The following UPF2 variants were observed in gnomAD, a reference collection of about 807,000 sequenced individuals.
UPF2 encodes the protein regulator of nonsense transcripts 2.
Under a neutral mutation model 141.4 loss-of-function variants are expected in UPF2, and 17 were observed. That is an observed-to-expected ratio of 0.12 (90% CI 0.08 to 0.18). The LOEUF (loss-of-function observed/expected upper bound fraction) is 0.18, where lower values mean the gene tolerates loss of function less well. UPF2 is among the 10% of genes least tolerant of loss of function. The pLI, the probability that UPF2 is intolerant of heterozygous loss-of-function variation, is 1.00. For missense variants in UPF2, 1,152 were observed against 1,515.9 expected (o/e 0.76, Z 3.99); for synonymous variants, 540 against 498.0 (o/e 1.08, Z -1.12).
rs939196209 is a variant in UPF2, at chr10:11,959,894, T to A, written c.2185-538A>T. Among the ~76,000 whole-genome samples, 2 of 152,250 alleles carry A rather than the reference T, an allele frequency of 1.3e-5. No individual in the cohort carries two copies. On this transcript the variant is annotated intron_variant, in intron 11 of 21. Coordinates refer to ENST00000357604, the MANE Select transcript of UPF2 (RefSeq NM_015542.4). The surrounding 1 kb of genome is among the most constrained non-coding windows in gnomAD (Gnocchi z 5.9). ...TTAGAACATACTAGCCCGTGCCTAC[T>A]TAGCCTTACGTTTCATCCAATAAAA...
chr10:11,979,366 T>C lies in UPF2; in HGVS notation c.1845-201A>G, dbSNP rs1833556443. ...TACAATTTTATTAATATTCTGGCAT[T>C]TTCCATTCCGTGAATTTACTGCACA... On this transcript the variant is annotated intron_variant, in intron 8 of 21. Coordinates refer to ENST00000357604, the MANE Select transcript of UPF2 (RefSeq NM_015542.4). This position sits in a 1 kb window ranked among gnomAD's most constrained non-coding sequence, Gnocchi z 6.2. 6.6e-6 allele frequency among the ~76,000 whole-genome samples: 1 copy of C among 152,234 alleles called. No individual in the cohort carries two copies. Among genetic ancestry groups the C allele is most frequent in the Non-Finnish European group, 1.5e-5 (1 of 68,030 alleles).
chr10:12,032,087 A>G (rs1834533888), intron 2 of UPF2, among the ~76,000 whole-genome samples: 1 of 152,136 alleles, frequency 6.6e-6, no homozygotes, highest in East Asian at 1.9e-4. Flanking sequence ...TGAGGTCAGG[A>G]GTTCGAGATC....
chr10:12,023,724 C>T (rs1217106620), intron 3 of UPF2, among the ~76,000 whole-genome samples: 2 of 147,594 alleles, frequency 1.4e-5, no homozygotes, highest in Non-Finnish European at 3.0e-5. Flanking sequence ...AGCACAGAGG[C>T]TCATGCCTGT....
chr10:12,036,446 T>C lies in UPF2; in HGVS notation c.-18-1005A>G, dbSNP rs369806133. ...TTGAAATTCAGTTCTTCAGTCAGTA[T>C]CTGTATTTCAAGTGCTCAATTCCAC... is the stretch of plus-strand genomic sequence containing the variant. On this transcript the variant is annotated intron_variant, in intron 1 of 21. Coordinates refer to ENST00000357604, the MANE Select transcript of UPF2 (RefSeq NM_015542.4). Among the ~76,000 whole-genome samples, 12 of 152,358 alleles carry C rather than the reference T, an allele frequency of 7.9e-5. No individual in the cohort carries two copies. The East Asian group carries it at 2.3e-3, about 29-fold the overall frequency.
At chr10:12,031,027 A>G (rs1834511804) in intron 2 of UPF2, among the ~76,000 whole-genome samples, 1 of 151,494 alleles carries the variant, frequency 6.6e-6, no homozygotes, top group Non-Finnish European at 1.5e-5. Context: ...ACAAAAAATT[A>G]GCCGGGCGCA....
chr10:11,983,285 CT>C, intron 8 of UPF2, among the ~76,000 whole-genome samples: 1 of 152,308 alleles, frequency 6.6e-6, no homozygotes, highest in Admixed American at 6.5e-5. Flanking sequence ...ACTTACTCTC[CT>C]ACTGATGTTA....
chr10:11,924,605 C>CT (rs201544689), intron 21 of UPF2, among the ~76,000 whole-genome samples: 10 of 148,886 alleles, frequency 6.7e-5, no homozygotes, highest in Non-Finnish European at 1.3e-4. Context: ...TTTTAAACTA[C>CT]TTTTTTTTTT....
chr10:11,967,337 T>C lies in UPF2; in HGVS notation c.2067+4A>G, dbSNP rs748450173. On this transcript the variant is annotated splice_donor_region_variant and intron_variant, in intron 10 of 21. Coordinates refer to ENST00000357604, the MANE Select transcript of UPF2 (RefSeq NM_015542.4). ...TAAAAACAATCAACTAATTCAGCAC[T>C]AACCTTTAAACAATGCAGTGTGTCA... 6.7e-7 allele frequency: 1 copy of C among 1,495,452 alleles called. No individual in the cohort carries two copies. Among genetic ancestry groups the C allele is most frequent in the Admixed American group, 2.4e-5 (1 of 42,066 alleles). 92.6% of individuals were successfully genotyped at this position (1,495,452 alleles called of 1,614,324 possible). A position where few individuals can be genotyped will look rare whatever the true frequency, so the allele number is the denominator to read the frequency against.
In UPF2 at chr10:11,931,342, A is replaced by G. The variant is rs919614678; in HGVS notation, c.3688+299T>C. Among the ~76,000 whole-genome samples the G allele has an allele frequency of 2.0e-5, 3 of 152,202 alleles. No homozygotes were observed. Among genetic ancestry groups the G allele is most frequent in the Admixed American group, 2.0e-4 (3 of 15,282 alleles). On this transcript the variant is annotated intron_variant, in intron 20 of 21. Transcript: ENST00000357604. The surrounding 1 kb of genome is among the most constrained non-coding windows in gnomAD (Gnocchi z 5.9). ...GCATCCCTGTCATTAAGCAAGGCAT[A>G]CTGTTTGTTAAATGAATCTGCACAC...
intron 19 of UPF2, among the ~76,000 whole-genome samples, chr10:11,933,081 TC>T (rs1304021405): frequency 6.6e-6 from 1 of 152,214 alleles, no homozygotes. Context: ...ATTATCTTTT[TC>T]TTTCTCTGCA....
At chr10:12,021,102 A>G (rs778400259) in intron 3 of UPF2, among the ~76,000 whole-genome samples, 1 of 152,264 alleles carries the variant, frequency 6.6e-6, no homozygotes, top group African/African-American at 2.4e-5. Flanking sequence ...TGAAAAGTAC[A>G]GTATGAAGAA....
At chr10:11,926,248 C>T (rs1292079579) in intron 21 of UPF2, among the ~76,000 whole-genome samples, 2 of 152,172 alleles carry the variant, frequency 1.3e-5, no homozygotes, top group East Asian at 1.9e-4. Context: ...GGGCAGACAA[C>T]GCTTCCTCTC....
At chr10:11,928,928 C>A (rs982187435) in intron 21 of UPF2, among the ~76,000 whole-genome samples, 1 of 152,192 alleles carries the variant, frequency 6.6e-6, no homozygotes, top group East Asian at 1.9e-4. Flanking sequence ...GGCGGGCAAT[C>A]ACCTGAGGTG....
chr10:11,980,145 G>A lies in UPF2; in HGVS notation c.1845-980C>T, dbSNP rs150729947. Among the ~76,000 whole-genome samples the A allele has an allele frequency of 1.5e-3, 234 of 152,184 alleles. 1 individual carries two copies. The highest frequency in any genetic ancestry group is 5.2e-3 in the African/African-American group (217 of 41,520). On this transcript the variant is annotated intron_variant, in intron 8 of 21. Transcript: ENST00000357604. The surrounding 1 kb of genome is among the most constrained non-coding windows in gnomAD (Gnocchi z 4.2). ...CACAGGAATGATGCTCCAGAATCCTGCCTAGCACAGCACTCCAGGTGGCCA... is the reference window on the plus strand; with the variant it reads ...CACAGGAATGATGCTCCAGAATCCTACCTAGCACAGCACTCCAGGTGGCCA...
At chr10:12,002,739 A>G (rs549038238) in intron 5 of UPF2, among the ~76,000 whole-genome samples, 1 of 152,318 alleles carries the variant, frequency 6.6e-6, no homozygotes, top group South Asian at 2.1e-4. Context: ...AAAGAAGAGA[A>G]ACCAAACCTT....
intron 3 of UPF2, among the ~76,000 whole-genome samples, chr10:12,027,010 T>C (rs547827356): frequency 2.0e-5 from 3 of 152,164 alleles, no homozygotes; most frequent in Non-Finnish European, 4.4e-5. Flanking sequence ...TTTCATTAAA[T>C]TGTGAACAGG....
chr10:11,999,153 A>G (rs1258928548), intron 7 of UPF2, among the ~76,000 whole-genome samples: 1 of 152,126 alleles, frequency 6.6e-6, no homozygotes, highest in African/African-American at 2.4e-5. Context: ...CACTACCTTG[A>G]ATCATGATAA....
At chr10:11,934,405 G>A (rs931935904) in intron 19 of UPF2, among the ~76,000 whole-genome samples, 1 of 152,190 alleles carries the variant, frequency 6.6e-6, no homozygotes, top group Non-Finnish European at 1.5e-5. Flanking sequence ...GGTCGAAGGA[G>A]GGGAGGGGTG....
chr10:12,012,898 G>A (rs111553141), intron 4 of UPF2, among the ~76,000 whole-genome samples: 323 of 152,104 alleles, frequency 2.1e-3, no homozygotes, highest in African/African-American at 7.4e-3. Context: ...CAGCACTTTG[G>A]GAGGCCAAGG....
Sources: gnomAD v4.1 joint callset for allele counts (sites outside exome capture counted in the v4.1 genomes callset) on GRCh38, gnomAD v4.1.1 for gene constraint, Gnocchi (gnomAD v3.1) non-coding constraint, MANE v1.5 for transcripts, NCBI Gene and HGNC (gene_info 2026-07-23, HGNC 2026-07-21) for gene names.